SLC39A8: variants seen among roughly 807,000 people sequenced by gnomAD.
SLC39A8 encodes solute carrier family 39 member 8, also known as metal cation symporter ZIP8.
Under a neutral mutation model 40.4 loss-of-function variants are expected in SLC39A8, and 15 were observed. The ratio of observed to expected loss-of-function variants is 0.37; its 90% CI spans 0.25 to 0.57. The LOEUF (loss-of-function observed/expected upper bound fraction) is 0.57. Among genes scored for constraint, SLC39A8 ranks in the 20% least tolerant of loss-of-function variants. The pLI is 0.75. For synonymous variants in SLC39A8, 223 were observed against 221.6 expected, an observed-to-expected ratio of 1.01 and a Z score of -0.06; for missense variants, 472 against 558.8, an observed-to-expected ratio of 0.84 and a Z score of 1.57.
chr4:102,323,031 T>C (rs1449737657), intron 2 of SLC39A8, among the ~76,000 whole-genome samples: 3 of 152,184 alleles, frequency 2.0e-5, no homozygotes, highest in Non-Finnish European at 4.4e-5. Flanking sequence ...ACAGCTACTT[T>C]CTGAAATTTG....
chr4:102,334,839 A>G (rs1489443738), intron 2 of SLC39A8, among the ~76,000 whole-genome samples: 1 of 152,208 alleles, frequency 6.6e-6, no homozygotes, highest in East Asian at 1.9e-4. Context: ...TGAGTTACTT[A>G]ACCTACCTAA....
At position 102,344,602 on chromosome 4, in the gene SLC39A8, C is replaced by T; in HGVS notation, c.61G>A (p.Val21Met). The stretch of plus-strand genomic sequence containing the variant: ...AAGGCTAGCCCTGGCCCCTCCGCCA[C>T]TCCTCCGAGGCCGGCGGCCGCCAGC... Reference protein sequence around the residue: ...LLLAAAGLGGVAEGPGLAFSE... With the variant: ...LLLAAAGLGGMAEGPGLAFSE... Residue 21 changes from valine to methionine, a missense_variant, in exon 2 of 9, where the codon GTG (valine) becomes ATG (methionine). By Grantham distance (21) the Val-to-Met change is conservative. Coordinates refer to ENST00000356736, the MANE Select transcript of SLC39A8 (RefSeq NM_001135146.2). 1 of 1,543,048 alleles carries T rather than the reference C, an allele frequency of 6.5e-7. No individual in the cohort carries two copies. The highest frequency in any genetic ancestry group is 1.2e-5 in the South Asian group (1 of 82,708).
intron 2 of SLC39A8, among the ~76,000 whole-genome samples, chr4:102,325,487 G>T (rs1449969518): frequency 6.6e-6 from 1 of 152,216 alleles, no homozygotes; most frequent in East Asian, 1.9e-4. Context: ...TTGAAGGGAA[G>T]ATGAAGAACG....
intron 2 of SLC39A8, among the ~76,000 whole-genome samples, chr4:102,336,446 A>C (rs1004837327): frequency 2.0e-5 from 3 of 152,190 alleles, no homozygotes; most frequent in East Asian, 3.8e-4. Flanking sequence ...CACCAAATAA[A>C]TTGGTTACAA....
In SLC39A8 at chr4:102,268,036, G is replaced by A; in HGVS notation, c.884C>T (p.Pro295Leu). ...EPSSCTCLKG[P>L]KLSEIGTIAW... ...AATCGTCCCTATTTCTGACAGTTTG[G>A]GCCCCTTCAAACAGGTACATGAACT... Residue 295 changes from proline (P) to leucine (L), a missense_variant, in exon 7 of 9, where the codon CCC (proline) becomes CTC (leucine). Around this residue, in one of 4 missense-constraint regions of SLC39A8, gnomAD observed 239 missense variants for 317.9 expected, o/e 0.75. Transcript: ENST00000356736. The A allele has an allele frequency of 1.2e-6, 2 of 1,614,080 alleles. No homozygotes were observed. Among genetic ancestry groups the A allele is most frequent in the South Asian group, 2.2e-5 (2 of 91,072 alleles).
rs1428134887 is a variant in SLC39A8 at position 102,307,573 on chromosome 4, T to C, written c.415A>G (p.Ile139Val). ...AATCCGAGGAGAGATGCCAGATTAA[T>C]AATCGTCACTGACAGGAATCCATAT... is the stretch of plus-strand genomic sequence containing the variant. Reference protein sequence around the residue: ...WGYGFLSVTIINLASLLGLIL... With the variant: ...WGYGFLSVTIVNLASLLGLIL... The change falls in exon 4 of 9, where the codon ATT becomes GTT. Residue 139 changes from isoleucine to valine, a missense_variant. Physicochemically the swap from Ile to Val is conservative, Grantham distance 29 (BLOSUM62 3). Coordinates refer to ENST00000356736, the MANE Select transcript of SLC39A8 (RefSeq NM_001135146.2). The C allele has an allele frequency of 1.2e-6, 2 of 1,613,222 alleles. No individual in the cohort carries two copies. The highest frequency in any genetic ancestry group is 2.7e-5 in the African/African-American group (2 of 74,848).
chr4:102,270,484 A>T (rs999894685), intron 6 of SLC39A8, among the ~76,000 whole-genome samples: 8 of 152,188 alleles, frequency 5.3e-5, no homozygotes. Context: ...ACTAAATTCA[A>T]GTTCCTGTAG....
intron 6 of SLC39A8, among the ~76,000 whole-genome samples, chr4:102,298,471 T>C (rs536486034): frequency 5.3e-5 from 8 of 152,208 alleles, no homozygotes; most frequent in African/African-American, 1.7e-4. Context: ...AAATCATTTC[T>C]TATGTCATTT....
At chr4:102,333,023 C>G (rs567766825) in intron 2 of SLC39A8, among the ~76,000 whole-genome samples, 15 of 151,982 alleles carry the variant, frequency 9.9e-5, no homozygotes, top group African/African-American at 3.1e-4. Flanking sequence ...TCAGGGGCTG[C>G]GGGGCTAGGG....
chr4:102,294,793 G>A (rs1460595355), intron 6 of SLC39A8, among the ~76,000 whole-genome samples: 2 of 151,856 alleles, frequency 1.3e-5, no homozygotes, highest in African/African-American at 4.8e-5. Flanking sequence ...CAAAACAGAT[G>A]AATAGGAAAC....
intron 6 of SLC39A8, among the ~76,000 whole-genome samples, chr4:102,301,217 A>G (rs957179412): frequency 6.6e-6 from 1 of 151,982 alleles, no homozygotes; most frequent in African/African-American, 2.4e-5. Flanking sequence ...CAGAATATTG[A>G]AGGAATTGTG....
intron 6 of SLC39A8, among the ~76,000 whole-genome samples, chr4:102,296,823 C>T (rs4698844): frequency 0.31 from 47,446 of 151,950 alleles, 7,797 homozygotes; most frequent in East Asian, 0.41. Context: ...TCATAAGTAA[C>T]TCAACAGGGA....
chr4:102,325,238 T>C (rs1735145347), intron 2 of SLC39A8, among the ~76,000 whole-genome samples: 1 of 152,184 alleles, frequency 6.6e-6, no homozygotes, highest in African/African-American at 2.4e-5. Flanking sequence ...GAACACTCTA[T>C]AAAAATAATC....
At chr4:102,320,083 T>C (rs1734839140) in intron 2 of SLC39A8, among the ~76,000 whole-genome samples, 1 of 149,860 alleles carries the variant, frequency 6.7e-6, no homozygotes, top group African/African-American at 2.5e-5. Context: ...TTTCCCAATC[T>C]GTAGCCTGCA....
chr4:102,254,787 C>T (rs182191971), intron 11 of SLC39A8, among the ~76,000 whole-genome samples: 1 of 152,286 alleles, frequency 6.6e-6, no homozygotes. Context: ...TGCTCCTGCT[C>T]TTAAAAATCA....
chr4:102,291,086 A>G (rs1460248810), intron 6 of SLC39A8, among the ~76,000 whole-genome samples: 1 of 151,314 alleles, frequency 6.6e-6, no homozygotes, highest in East Asian at 1.9e-4. Context: ...AAATCCTGAT[A>G]CTCCACTGAA....
chr4:102,281,633 T>G (rs1019718340), intron 6 of SLC39A8, among the ~76,000 whole-genome samples: 2 of 150,322 alleles, frequency 1.3e-5, no homozygotes, highest in Non-Finnish European at 3.0e-5. Flanking sequence ...TAGGACCAAG[T>G]GGGGGTGATA....
At chr4:102,305,241 A>C (rs1390228450) in intron 4 of SLC39A8, 130 bp from the exon 5 acceptor site, 67 of 980,576 alleles carry the variant, frequency 6.8e-5, no homozygotes, top group Non-Finnish European at 9.4e-5. Context: ...TTGGAAACTT[A>C]GCTGCCAAAA....
chr4:102,307,421 A>G lies in SLC39A8; in HGVS notation c.552+15T>C. The G allele has an allele frequency of 6.2e-7, 1 of 1,607,890 alleles. No homozygotes were observed. Among genetic ancestry groups the G allele is most frequent in the East Asian group, 2.2e-5 (1 of 44,814 alleles). ...GAAACAATTATTCACAGAAACAAATAGCCAACATCCTTACCTCTGGAATAA... is the reference window on the plus strand; with the variant it reads ...GAAACAATTATTCACAGAAACAAATGGCCAACATCCTTACCTCTGGAATAA... On this transcript the variant is annotated intron_variant, in intron 4 of 8. Transcript: ENST00000356736.
Sources: allele counts gnomAD v4.1 joint callset (sites outside exome capture counted in the v4.1 genomes callset), GRCh38; gene constraint gnomAD v4.1.1; regional missense constraint gnomAD v4.1.1; transcripts MANE v1.5; gene names NCBI Gene and HGNC (gene_info 2026-07-23, HGNC 2026-07-21).